PTER: variants seen among roughly 807,000 people sequenced by gnomAD.
PTER encodes N-acetyltaurine hydrolase.
In PTER, 38 loss-of-function variants were observed where a neutral mutation model predicts 29.6. The observed-to-expected ratio is 1.28, with a 90% confidence interval of 0.99 to 1.68. The LOEUF is 1.68. Among genes scored for constraint, PTER ranks in the 40% most tolerant of loss-of-function variants. The pLI, the probability that PTER is intolerant of heterozygous loss-of-function variation, is 0.00. For synonymous variants in PTER, 172 were observed against 154.5 expected (o/e 1.11, Z -0.84); for missense variants, 482 against 427.8 (o/e 1.13, Z -1.12).
rs138993472 is a variant in PTER, at chr10:16,509,913, T to G, written c.840-1133T>G. ...TATGTGTTCTCAGAGGGCAGGGCTT[T>G]GTGCTTGAGTTTTTTTTGTGTGTGT... On this transcript the variant is annotated intron_variant, in intron 4 of 4. Transcript: ENST00000535784. Among the ~76,000 whole-genome samples, 19 of 152,278 alleles carry G rather than the reference T, an allele frequency of 1.2e-4. No individual in the cohort carries two copies. In the East Asian group the frequency reaches 3.7e-3, roughly 29 times the overall value.
chr10:16,511,224 G>T lies in PTER; in HGVS notation c.1018G>T (p.Glu340Ter), dbSNP rs747947303. ...GAATGTGCTTGATAAGATTCTAATA[G>T]AGAACCCTAAGCAATGGCTAACTTT... ...TENVLDKILIENPKQWLTFK is the reference protein window; with the variant it reads ...TENVLDKILI The change falls in exon 5 of 5, where the codon GAG becomes TAG. Residue 340 changes from glutamate (E) to a stop codon, truncating the protein, a stop_gained. Coordinates refer to ENST00000535784, the MANE Select transcript of PTER (RefSeq NM_001261836.2). LOFTEE classifies it high-confidence loss of function. The T allele has an allele frequency of 1.2e-6, 2 of 1,613,930 alleles. No individual in the cohort carries two copies. The highest frequency in any genetic ancestry group is 1.7e-6 in the Non-Finnish European group (2 of 1,179,956).
In PTER at chr10:16,489,504, CT is replaced by C. The variant is rs543804076; in HGVS notation, c.698+2889del. Among the ~76,000 whole-genome samples the C allele has an allele frequency of 4.3e-3, 632 of 148,290 alleles. 2 individuals are homozygous for C. The highest frequency in any genetic ancestry group is 6.0e-3 in the Non-Finnish European group (407 of 67,386). On this transcript the variant is annotated intron_variant, in intron 3 of 4. Transcript: ENST00000535784. ...AATTTTTTGTTGTAACATCAGACAT[CT>C]TGGAAATTATTATGAGTATTAGGTT...
chr10:16,471,529 G>T (rs1835056361), intron 1 of PTER, among the ~76,000 whole-genome samples: 1 of 152,128 alleles, frequency 6.6e-6, no homozygotes, highest in Admixed American at 6.5e-5. Context: ...AGTGTCTCTG[G>T]CTGTTAAGTC....
chr10:16,461,638 C>G (rs927156620), intron 1 of PTER, among the ~76,000 whole-genome samples: 2 of 152,146 alleles, frequency 1.3e-5, no homozygotes, highest in African/African-American at 2.4e-5. Context: ...GCCACACTCT[C>G]TTAGGACCAG....
Position 16,513,368 on chromosome 10 carries a change from C to T in PTER, c.*2112C>T, listed in dbSNP as rs1836885045. The T allele has an allele frequency of 6.6e-6, 1 of 152,364 alleles. No homozygotes were observed. The highest frequency in any genetic ancestry group is 2.4e-5 in the African/African-American group (1 of 41,372). The allele number at this position is 152,364 out of a possible 1,614,324, so 9.4% of individuals were successfully genotyped here. On this transcript the variant is annotated 3_prime_UTR_variant, in exon 5 of 5. Coordinates refer to ENST00000535784, the MANE Select transcript of PTER (RefSeq NM_001261836.2). ...ATATTAAAATTTTGAGGCTATACAGCCACTGTGCCCTGTGGAATAAAGCCA... is the reference window on the plus strand; with the variant it reads ...ATATTAAAATTTTGAGGCTATACAGTCACTGTGCCCTGTGGAATAAAGCCA...
chr10:16,497,181 C>T (rs1355461794), intron 3 of PTER, among the ~76,000 whole-genome samples: 2 of 152,056 alleles, frequency 1.3e-5, no homozygotes, highest in East Asian at 3.9e-4. Flanking sequence ...GTAATCCACT[C>T]GACTTGGCCT....
chr10:16,451,917 C>T (rs1274962363), intron 1 of PTER, among the ~76,000 whole-genome samples: 2 of 152,072 alleles, frequency 1.3e-5, no homozygotes, highest in Non-Finnish European at 2.9e-5. Context: ...TAATTTTCAT[C>T]AGTTCTTGTG....
intron 1 of PTER, among the ~76,000 whole-genome samples, chr10:16,450,266 C>T (rs1481151555): frequency 6.6e-6 from 1 of 152,098 alleles, no homozygotes; most frequent in African/African-American, 2.4e-5. Flanking sequence ...GGAGAATTGA[C>T]ATTGTCTTGC....
At chr10:16,476,987 C>A (rs1194261913) in intron 1 of PTER, among the ~76,000 whole-genome samples, 1 of 149,446 alleles carries the variant, frequency 6.7e-6, no homozygotes, top group Non-Finnish European at 1.5e-5. Flanking sequence ...CTCACTGCAG[C>A]CTCTGGCTTC....
intron 3 of PTER, among the ~76,000 whole-genome samples, chr10:16,489,438 C>CCAG (rs1370930273): frequency 6.6e-6 from 1 of 151,898 alleles, no homozygotes; most frequent in Non-Finnish European, 1.5e-5. Context: ...GTTCTTCTGG[C>CCAG]TGTCATTGAT....
intron 1 of PTER, among the ~76,000 whole-genome samples, chr10:16,469,953 A>T (rs1834986455): frequency 6.6e-6 from 1 of 151,880 alleles, no homozygotes; most frequent in Non-Finnish European, 1.5e-5. Context: ...ATCAGAGAGA[A>T]TGTGAAAAAT....
intron 3 of PTER, among the ~76,000 whole-genome samples, chr10:16,501,375 A>G (rs988620773): frequency 1.1e-4 from 16 of 146,710 alleles, no homozygotes; most frequent in Admixed American, 2.0e-4. Flanking sequence ...ACACATGCAC[A>G]CACACACACA....
At chr10:16,439,996 T>A (rs922684118) in intron 1 of PTER, among the ~76,000 whole-genome samples, 3 of 152,090 alleles carry the variant, frequency 2.0e-5, no homozygotes, top group African/African-American at 7.2e-5. Context: ...ATACATCAAA[T>A]GTGGCTTTGT....
intron 1 of PTER, among the ~76,000 whole-genome samples, chr10:16,439,182 C>G (rs143680461): frequency 8.6e-5 from 13 of 152,036 alleles, no homozygotes; most frequent in African/African-American, 3.1e-4. Context: ...TTTTGGAGGT[C>G]AGTAGCGGAG....
At chr10:16,494,140 G>A (rs1002469093) in intron 3 of PTER, among the ~76,000 whole-genome samples, 3 of 152,142 alleles carry the variant, frequency 2.0e-5, no homozygotes, top group Non-Finnish European at 2.9e-5. Flanking sequence ...CATGAAAAAC[G>A]CAACCTCTTT....
At chr10:16,441,169 C>A (rs929122544) in intron 1 of PTER, among the ~76,000 whole-genome samples, 1 of 152,154 alleles carries the variant, frequency 6.6e-6, no homozygotes, top group African/African-American at 2.4e-5. Context: ...GGATAAGAAT[C>A]AAGGCTTTCA....
At chr10:16,504,181 T>C (rs1480166296) in intron 3 of PTER, among the ~76,000 whole-genome samples, 15 of 152,268 alleles carry the variant, frequency 9.9e-5, no homozygotes, top group African/African-American at 3.6e-4. Context: ...CAGTGGTATT[T>C]TGGGGTTACC....
chr10:16,505,940 A>G (rs1039703326), intron 4 of PTER, among the ~76,000 whole-genome samples: 1 of 152,188 alleles, frequency 6.6e-6, no homozygotes, highest in Non-Finnish European at 1.5e-5. Context: ...TCAGAGAAGA[A>G]GATGAGGACA....
chr10:16,500,995 G>A (rs376099643), intron 3 of PTER, among the ~76,000 whole-genome samples: 4 of 152,002 alleles, frequency 2.6e-5, no homozygotes, highest in Non-Finnish European at 2.9e-5. Flanking sequence ...ACAGTGGCAC[G>A]ATCTCGGCTC....
Sources: gnomAD v4.1 joint callset for allele counts (sites outside exome capture counted in the v4.1 genomes callset) on GRCh38, gnomAD v4.1.1 for gene constraint, MANE v1.5 for transcripts, NCBI Gene and HGNC (gene_info 2026-07-23, HGNC 2026-07-21) for gene names.